Variants in NAALADL2 observed in about 807,000 individuals in gnomAD.
NAALADL2 encodes inactive N-acetylated-alpha-linked acidic dipeptidase-like protein 2.
A neutral mutation model predicts 87.2 loss-of-function variants in NAALADL2; 76 were observed. The ratio of observed to expected loss-of-function variants is 0.87; its 90% confidence interval spans 0.72 to 1.05. The LOEUF (loss-of-function observed/expected upper bound fraction) is 1.05. NAALADL2 is among the 50% of genes least tolerant of loss of function. NAALADL2 has a pLI of 0.00. For synonymous variants in NAALADL2, 354 were observed against 331.0 expected, an observed-to-expected ratio of 1.07 and a Z score of -0.75; for missense variants, 1,089 against 945.8, an observed-to-expected ratio of 1.15 and a Z score of -1.99.
intron 11 of NAALADL2, among the ~76,000 whole-genome samples, chr3:175,632,011 A>G (rs1487508921): frequency 2.0e-5 from 3 of 152,090 alleles, no homozygotes; most frequent in Admixed American, 1.3e-4. Context: ...ATTTTAATAA[A>G]TTATATCATA....
intron 13 of NAALADL2, 27 bp from the exon 14 acceptor site, chr3:175,802,978 A>G: frequency 6.6e-7 from 1 of 1,511,970 alleles, no homozygotes. Flanking sequence ...TGCATGAAAC[A>G]TTTATACATT....
At chr3:175,743,085 C>T (rs1191054809) in intron 12 of NAALADL2, among the ~76,000 whole-genome samples, 4 of 151,970 alleles carry the variant, frequency 2.6e-5, no homozygotes, top group African/African-American at 7.3e-5. Context: ...ACTGCAACCT[C>T]CTCCTCCCGG....
intron 3 of NAALADL2, among the ~76,000 whole-genome samples, chr3:174,794,841 T>C (rs945342308): frequency 4.6e-5 from 7 of 152,070 alleles, no homozygotes; most frequent in African/African-American, 1.7e-4. Flanking sequence ...ATTTATTGCT[T>C]ACTAAAAAAA....
chr3:175,313,758 T>G (rs917889606), intron 4 of NAALADL2, among the ~76,000 whole-genome samples: 1 of 151,824 alleles, frequency 6.6e-6, no homozygotes, highest in Admixed American at 6.6e-5. Context: ...AGAAGAGAAG[T>G]TGGATAGCAG....
intron 4 of NAALADL2, among the ~76,000 whole-genome samples, chr3:175,261,616 T>C (rs1325136211): frequency 6.6e-6 from 1 of 152,104 alleles, no homozygotes; most frequent in African/African-American, 2.4e-5. Context: ...CCTAGTACTT[T>C]CTGTAATATA....
intron 1 of NAALADL2, among the ~76,000 whole-genome samples, chr3:174,466,702 G>C (rs1716553095): frequency 1.3e-5 from 2 of 152,182 alleles, no homozygotes; most frequent in African/African-American, 4.8e-5. Context: ...TGTAGGAAAT[G>C]ATAGTTGTGC....
chr3:174,496,899 A>AG (rs1718577642), intron 1 of NAALADL2, among the ~76,000 whole-genome samples: 2 of 151,886 alleles, frequency 1.3e-5, no homozygotes, highest in South Asian at 4.2e-4. Context: ...TCATTAATGC[A>AG]TAATTCATTG....
intron 2 of NAALADL2, among the ~76,000 whole-genome samples, chr3:175,145,793 C>A (rs1580685902): frequency 6.6e-6 from 1 of 151,976 alleles, no homozygotes; most frequent in Non-Finnish European, 1.5e-5. Context: ...AATAATTGAA[C>A]TATTTAAAGT....
At chr3:174,882,622 T>TATACAC (rs1729427920) in intron 1 of NAALADL2, among the ~76,000 whole-genome samples, 3 of 130,662 alleles carry the variant, frequency 2.3e-5, no homozygotes, top group Non-Finnish European at 4.7e-5. Flanking sequence ...TGCATATGCA[T>TATACAC]ATATGTGCAT....
At chr3:175,467,838 C>A (rs1724312647) in intron 8 of NAALADL2, among the ~76,000 whole-genome samples, 1 of 152,074 alleles carries the variant, frequency 6.6e-6, no homozygotes, top group South Asian at 2.1e-4. Context: ...GTCTCAAACT[C>A]TTCTGACAGA....
chr3:175,733,416 G>A (rs565753456), intron 11 of NAALADL2, among the ~76,000 whole-genome samples: 2 of 152,256 alleles, frequency 1.3e-5, no homozygotes, highest in East Asian at 1.9e-4. Context: ...CAGATCTCAT[G>A]AGACCCATTC....
At chr3:175,315,531 TA>T (rs2110345028) in intron 4 of NAALADL2, among the ~76,000 whole-genome samples, 1 of 152,300 alleles carries the variant, frequency 6.6e-6, no homozygotes, top group South Asian at 2.1e-4. Context: ...GAAGAACTTT[TA>T]GGGTAGAAAT....
intron 2 of NAALADL2, among the ~76,000 whole-genome samples, chr3:175,194,289 C>G (rs1217648433): frequency 6.6e-6 from 1 of 151,758 alleles, no homozygotes; most frequent in East Asian, 1.9e-4. Flanking sequence ...GGTGATTAGT[C>G]ATTTTCTTTT....
chr3:174,545,657 T>G (rs1722666195), intron 1 of NAALADL2, among the ~76,000 whole-genome samples: 1 of 152,022 alleles, frequency 6.6e-6, no homozygotes, highest in Non-Finnish European at 1.5e-5. Flanking sequence ...TTGGTATTTT[T>G]TTTGTTTTAT....
At chr3:174,613,343 G>A (rs745898892) in intron 2 of NAALADL2, among the ~76,000 whole-genome samples, 19 of 152,200 alleles carry the variant, frequency 1.2e-4, no homozygotes, top group Admixed American at 4.6e-4. Context: ...AGCCAGCCAG[G>A]CCTGTGTCAT....
intron 1 of NAALADL2, among the ~76,000 whole-genome samples, chr3:174,985,037 G>A (rs931140066): frequency 1.3e-5 from 2 of 152,174 alleles, no homozygotes; most frequent in African/African-American, 4.8e-5. Context: ...AAAGTGTTTT[G>A]AGAAATCTAA....
At chr3:175,798,906 TA>T (rs750225398) in intron 13 of NAALADL2, among the ~76,000 whole-genome samples, 1 of 152,070 alleles carries the variant, frequency 6.6e-6, no homozygotes, top group Non-Finnish European at 1.5e-5. Flanking sequence ...AATAAGCACA[TA>T]ATGTATAGGT....
intron 2 of NAALADL2, among the ~76,000 whole-genome samples, chr3:174,641,174 C>A (rs1173169648): frequency 3.3e-5 from 5 of 152,128 alleles, no homozygotes; most frequent in Non-Finnish European, 7.3e-5. Flanking sequence ...AAGAAGCAAA[C>A]GGCCAGGGTC....
At chr3:175,778,409 T>C (rs1260790589) in intron 13 of NAALADL2, among the ~76,000 whole-genome samples, 1 of 152,212 alleles carries the variant, frequency 6.6e-6, no homozygotes, top group African/African-American at 2.4e-5. Context: ...GGCCTAGCAG[T>C]GTCCTATAGA....
Sources: allele counts gnomAD v4.1 joint callset (sites outside exome capture counted in the v4.1 genomes callset), GRCh38; gene constraint gnomAD v4.1.1; transcripts MANE v1.5; gene names NCBI Gene and HGNC (gene_info 2026-07-23, HGNC 2026-07-21).